The following GGACT variants were observed in gnomAD, a reference collection of about 807,000 sequenced individuals.
The protein encoded by GGACT is gamma-glutamylamine cyclotransferase, also known as gamma-glutamylaminecyclotransferase.
For synonymous variants in GGACT, 118 were observed against 115.3 expected, an observed-to-expected ratio of 1.02 and a Z score of -0.15; for missense variants, 241 against 233.2, an observed-to-expected ratio of 1.03 and a Z score of -0.22.
At position 100,551,617 on chromosome 13, in the gene GGACT, G is replaced by C. The variant is rs373317021; in HGVS notation, c.-10-19016C>G. Among the ~76,000 whole-genome samples the C allele has an allele frequency of 2.6e-5, 4 of 152,184 alleles. No individual in the cohort carries two copies. The East Asian group carries it at 7.7e-4, about 29-fold the overall frequency. On this transcript the variant is annotated intron_variant, in intron 2 of 2. Coordinates refer to ENST00000683975, the MANE Select transcript of GGACT (RefSeq NM_001195087.2). ...GTTCAACCCTTTATTGGCCCTTTGA[G>C]TGGGTCCCCTAAAATCCAGGACCCC...
intron 2 of GGACT, chr13:100,539,787 T>C: frequency 1.5e-6 from 1 of 666,384 alleles, no homozygotes; most frequent in Non-Finnish European, 2.6e-6. Flanking sequence ...TTTGGTAGAA[T>C]TTACCAGTGA....
chr13:100,570,552 AT>A lies in GGACT; in HGVS notation c.-11+13272del, dbSNP rs1332122199. On this transcript the variant is annotated intron_variant, in intron 2 of 2. Transcript: ENST00000683975. ...ACATGTGGGGATTATGGGAACTACA[AT>A]TCAAGATGAGATTTGGGTGGAGACA... Among the ~76,000 whole-genome samples the A allele has an allele frequency of 2.6e-5, 4 of 152,304 alleles. No homozygotes were observed. In the East Asian group the frequency reaches 7.7e-4, roughly 29 times the overall value.
intron 2 of GGACT, among the ~76,000 whole-genome samples, chr13:100,565,925 C>A (rs141049240): frequency 6.6e-6 from 1 of 152,204 alleles, no homozygotes; most frequent in African/African-American, 2.4e-5. Context: ...AAAAAGACTG[C>A]GGCTTCTGTC....
chr13:100,561,111 G>A (rs980461633), intron 2 of GGACT, among the ~76,000 whole-genome samples: 1 of 152,170 alleles, frequency 6.6e-6, no homozygotes, highest in African/African-American at 2.4e-5. Context: ...GTCTCATCAA[G>A]CAGCAATACC....
chr13:100,555,783 A>G (rs2088703887), intron 2 of GGACT, among the ~76,000 whole-genome samples: 2 of 152,250 alleles, frequency 1.3e-5, no homozygotes, highest in African/African-American at 4.8e-5. Context: ...AAAGGATAAT[A>G]CATCATTACT....
At chr13:100,543,202 T>C (rs1475044462) in intron 2 of GGACT, among the ~76,000 whole-genome samples, 1 of 108,284 alleles carries the variant, frequency 9.2e-6, no homozygotes, top group Non-Finnish European at 1.8e-5. Flanking sequence ...ACCAGCTTTT[T>C]TTTTTTTTTT....
intron 2 of GGACT, among the ~76,000 whole-genome samples, chr13:100,551,375 G>C (rs1205750706): frequency 6.6e-6 from 1 of 152,138 alleles, no homozygotes; most frequent in Non-Finnish European, 1.5e-5. Context: ...TCCAAGCCAA[G>C]AAAACCTTTT....
intron 2 of GGACT, among the ~76,000 whole-genome samples, chr13:100,563,132 G>A (rs1203629187): frequency 6.6e-6 from 1 of 152,192 alleles, no homozygotes; most frequent in East Asian, 1.9e-4. Flanking sequence ...TGTGGCACTT[G>A]GTTGTAGCAA....
chr13:100,562,168 GT>G (rs1351550951), intron 2 of GGACT, among the ~76,000 whole-genome samples: 1 of 152,102 alleles, frequency 6.6e-6, no homozygotes, highest in Non-Finnish European at 1.5e-5. Flanking sequence ...CACAGAAGTT[GT>G]GAAATTTTAT....
chr13:100,530,311 ATTCTGCC>A lies in GGACT; in HGVS notation c.*1812_*1818del. The A allele has an allele frequency of 2.8e-6, 2 of 719,956 alleles. No homozygotes were observed. The highest frequency in any genetic ancestry group is 2.1e-5 in the Admixed American group (1 of 48,042). 44.6% of individuals were successfully genotyped at this position (719,956 alleles called of 1,614,324 possible). A position where few individuals can be genotyped will look rare whatever the true frequency, so the allele number is the denominator to read the frequency against. ...TTTATTCCACAGAGTCAAGACCAAT[ATTCTGCC>A]AAAAAATCACCAATGGAAATTTTCA... is the stretch of plus-strand genomic sequence containing the variant. On this transcript the variant is annotated 3_prime_UTR_variant, in exon 3 of 3. Transcript: ENST00000683975.
At chr13:100,578,957 T>C (rs1875332443) in intron 2 of GGACT, 1 of 152,154 alleles carries the variant, frequency 6.6e-6, no homozygotes, top group Admixed American at 6.5e-5. Context: ...GAAAAGTAAA[T>C]GTGGTCATTT....
At position 100,540,179 on chromosome 13, in the gene GGACT, T is replaced by G. The variant is rs952695256; in HGVS notation, c.-10-7578A>C. 4 of 1,558,872 alleles carry G rather than the reference T, an allele frequency of 2.6e-6. No individual in the cohort carries two copies. The Admixed American group carries it at 6.7e-5, about 26-fold the overall frequency. On this transcript the variant is annotated intron_variant, in intron 2 of 2. Coordinates refer to ENST00000683975, the MANE Select transcript of GGACT (RefSeq NM_001195087.2). ...TTGGGCACGCATCGGGCACAGTTAGTGCAGCGAATAGGCTGCACGTGGCCG... is the reference window on the plus strand; with the variant it reads ...TTGGGCACGCATCGGGCACAGTTAGGGCAGCGAATAGGCTGCACGTGGCCG...
intron 2 of GGACT, among the ~76,000 whole-genome samples, chr13:100,564,244 G>T (rs1396178547): frequency 6.6e-6 from 1 of 152,190 alleles, no homozygotes; most frequent in East Asian, 1.9e-4. Flanking sequence ...TGTGGGAAGG[G>T]TCTATCTGTT....
At position 100,532,273 on chromosome 13, in the gene GGACT, C is replaced by T. The variant is rs1205993253; in HGVS notation, c.319G>A (p.Glu107Lys). ...LLEDRAPGAE[E>K]PPAPTAVQCF... is the part of the protein sequence containing the mutation. ...TGCACCGCGGTGGGCGCTGGCGGCT[C>T]CTCTGCGCCCGGGGCCCGGTCCTCC... The change falls in exon 3 of 3, where the codon GAG becomes AAG. Residue 107 changes from glutamate (E) to lysine (K), a missense_variant. Transcript: ENST00000683975. 3.9e-6 allele frequency: 6 copies of T among 1,535,392 alleles called. No individual in the cohort carries two copies. The highest frequency in any genetic ancestry group is 5.3e-6 in the Non-Finnish European group (6 of 1,136,138).
intron 2 of GGACT, among the ~76,000 whole-genome samples, chr13:100,581,811 G>A (rs1291789543): frequency 6.6e-6 from 1 of 152,182 alleles, no homozygotes; most frequent in Non-Finnish European, 1.5e-5. Context: ...ATGTGTGCTT[G>A]ATACGATGTA....
intron 2 of GGACT, among the ~76,000 whole-genome samples, chr13:100,540,487 T>C (rs2088543031): frequency 6.6e-6 from 1 of 152,244 alleles, no homozygotes; most frequent in Non-Finnish European, 1.5e-5. Flanking sequence ...TTCTCGTCCA[T>C]TTCTGGTTTT....
intron 2 of GGACT, among the ~76,000 whole-genome samples, chr13:100,572,359 G>C (rs1222143331): frequency 1.3e-5 from 2 of 152,162 alleles, no homozygotes; most frequent in African/African-American, 2.4e-5. Flanking sequence ...AATTCATACA[G>C]ACAGGAAACA....
Position 100,580,726 on chromosome 13 carries a change from A to C in GGACT, c.-11+3099T>G, listed in dbSNP as rs188694824. Among the ~76,000 whole-genome samples, 52 of 152,334 alleles carry C rather than the reference A, an allele frequency of 3.4e-4. No individual in the cohort carries two copies. The East Asian group carries it at 6.8e-3, about 20-fold the overall frequency. On this transcript the variant is annotated intron_variant, in intron 2 of 2. Coordinates refer to ENST00000683975, the MANE Select transcript of GGACT (RefSeq NM_001195087.2). ...ATGGAAGAACTGCCAGGGGGAAGCT[A>C]TGAAATCTGCACCCTGTAGATCTGA...
intron 2 of GGACT, among the ~76,000 whole-genome samples, chr13:100,558,927 C>T (rs546057820): frequency 2.6e-5 from 4 of 152,202 alleles, no homozygotes; most frequent in African/African-American, 9.6e-5. Flanking sequence ...CCAGAATAGG[C>T]AAACATACAG....
Sources: allele counts gnomAD v4.1 joint callset (sites outside exome capture counted in the v4.1 genomes callset), GRCh38; gene constraint gnomAD v4.1.1; transcripts MANE v1.5; gene names NCBI Gene and HGNC (gene_info 2026-07-23, HGNC 2026-07-21).